USP47: variants seen among roughly 807,000 people sequenced by gnomAD.
The protein encoded by USP47 is ubiquitin carboxyl-terminal hydrolase 47.
USP47 carries 35 observed loss-of-function variants against 165.1 expected under a neutral mutation model. The ratio of observed to expected loss-of-function variants is 0.21; its 90% CI spans 0.16 to 0.28. USP47 has a LOEUF of 0.28. Among genes scored for constraint, USP47 ranks in the 10% least tolerant of loss-of-function variants. The pLI is 1.00. For missense variants in USP47, 1,277 were observed against 1,607.4 expected, an observed-to-expected ratio of 0.79 and a Z score of 3.52; for synonymous variants, 531 against 544.5, an observed-to-expected ratio of 0.98 and a Z score of 0.35.
In USP47 at chr11:11,955,107, C is replaced by G. The variant is rs746812221; in HGVS notation, c.3836C>G (p.Ser1279Cys). 31 of 1,613,802 alleles carry G rather than the reference C, an allele frequency of 1.9e-5. No homozygotes were observed. Among genetic ancestry groups the G allele is most frequent in the Non-Finnish European group, 2.5e-5 (29 of 1,179,924 alleles). ...GATTTAGACTGGAATCCTAAAGTTTCTACCCTGAATGTCTGGCCTCTTTAT... is the reference window on the plus strand; with the variant it reads ...GATTTAGACTGGAATCCTAAAGTTTGTACCCTGAATGTCTGGCCTCTTTAT... ...HQDLDWNPKV[S>C]TLNVWPLYIC... Residue 1279 changes from serine (S) to cysteine (C), a missense_variant, in exon 27 of 28, where the codon TCT (serine) becomes TGT (cysteine). Transcript: ENST00000527733.
chr11:11,947,920 G>C, intron 20 of USP47, 25 bp from the exon 21 acceptor site: 1 of 1,569,084 alleles, frequency 6.4e-7, no homozygotes, highest in Non-Finnish European at 8.6e-7. Flanking sequence ...TTTTGTTCCT[G>C]TTTTGGTTTT....
intron 14 of USP47, among the ~76,000 whole-genome samples, chr11:11,932,187 G>A (rs1428603252): frequency 6.6e-6 from 1 of 152,056 alleles, no homozygotes; most frequent in African/African-American, 2.4e-5. Flanking sequence ...TCCGGGGTTG[G>A]GGGAGGGGTG....
chr11:11,916,117 C>A (rs966574327), intron 8 of USP47, among the ~76,000 whole-genome samples: 4 of 152,108 alleles, frequency 2.6e-5, no homozygotes, highest in Non-Finnish European at 5.9e-5. Flanking sequence ...TGTAAGAATT[C>A]TTTATATTCT....
chr11:11,858,671 G>A (rs4259823), intron 1 of USP47, among the ~76,000 whole-genome samples: 20,853 of 152,042 alleles, frequency 0.14, 1,912 homozygotes, highest in Non-Finnish European at 0.2. Flanking sequence ...CATATAGTAT[G>A]GTAGCATTTT....
chr11:11,853,473 G>C (rs1005470765), intron 1 of USP47, among the ~76,000 whole-genome samples: 1 of 152,204 alleles, frequency 6.6e-6, no homozygotes, highest in African/African-American at 2.4e-5. Context: ...GACAAAAAAT[G>C]ATGTGATCTT....
chr11:11,937,806 C>T (rs950787897), intron 17 of USP47, among the ~76,000 whole-genome samples: 1 of 151,766 alleles, frequency 6.6e-6, no homozygotes, highest in African/African-American at 2.4e-5. Context: ...AAAACAGATA[C>T]AGAATAACTG....
In USP47 at chr11:11,880,351, T is replaced by C. The variant is rs1200781645; in HGVS notation, c.214T>C (p.Trp72Arg). The change falls in exon 2 of 28, where the codon TGG (tryptophan) becomes CGG (arginine). Residue 72 changes from tryptophan (W) to arginine (R), a missense_variant. Trp to Arg is a moderately radical substitution (Grantham distance 101). This residue lies in a region of USP47 where 181 missense variants were observed against 194.7 expected (regional missense o/e 0.93). Coordinates refer to ENST00000527733, the MANE Select transcript of USP47 (RefSeq NM_001282659.2). ...CATAAATGGAACCTTTGACTTGGTGTGGGGAAATGGAATCAATACTGCTGA... is the reference window on the plus strand; with the variant it reads ...CATAAATGGAACCTTTGACTTGGTGCGGGGAAATGGAATCAATACTGCTGA... ...GYINGTFDLV[W>R]GNGINTADMA... 2 of 1,350,814 alleles carry C rather than the reference T, an allele frequency of 1.5e-6. No individual in the cohort carries two copies. The highest frequency in any genetic ancestry group is 1.9e-6 in the Non-Finnish European group (2 of 1,056,424). The allele number at this position is 1,350,814 out of a possible 1,614,324, so 83.7% of individuals were successfully genotyped here.
rs1847288390 is a variant in USP47, at chr11:11,958,091, A to G, written c.*1916A>G. 6.6e-6 allele frequency: 1 copy of G among 152,200 alleles called. No individual in the cohort carries two copies. The highest frequency in any genetic ancestry group is 2.4e-5 in the African/African-American group (1 of 41,440). 9.4% of individuals were successfully genotyped at this position (152,200 alleles called of 1,614,324 possible). On this transcript the variant is annotated 3_prime_UTR_variant, in exon 28 of 28. Transcript: ENST00000527733. ...GCTTACTTGGGATGTAGGGTTAGTA[A>G]ATGGGGTTTCTGCTTTAAAGGACTG... is the stretch of plus-strand genomic sequence containing the variant.
chr11:11,883,620 T>C (rs999308911), intron 2 of USP47, among the ~76,000 whole-genome samples: 2 of 152,210 alleles, frequency 1.3e-5, no homozygotes, highest in Non-Finnish European at 2.9e-5. Flanking sequence ...AAAACATTTC[T>C]TAATGTAACA....
At chr11:11,865,702 T>C (rs570079758) in intron 1 of USP47, among the ~76,000 whole-genome samples, 1 of 152,290 alleles carries the variant, frequency 6.6e-6, no homozygotes, top group South Asian at 2.1e-4. Context: ...TCTCTTTTTT[T>C]CATTTCAATG....
chr11:11,938,864 T>C (rs1420856973), intron 18 of USP47, among the ~76,000 whole-genome samples: 1 of 151,892 alleles, frequency 6.6e-6, no homozygotes, highest in Non-Finnish European at 1.5e-5. Flanking sequence ...AGGCATGGAT[T>C]CCAAGAGAGA....
chr11:11,922,309 C>T (rs1348862559), intron 10 of USP47, among the ~76,000 whole-genome samples: 4 of 151,848 alleles, frequency 2.6e-5, no homozygotes, highest in East Asian at 1.9e-4. Flanking sequence ...ACTGATAAAC[C>T]GAGTTGGACT....
intron 19 of USP47, 113 bp from the exon 20 acceptor site, chr11:11,942,220 TCA>T (rs1855523376): frequency 2.5e-6 from 3 of 1,190,834 alleles, no homozygotes; most frequent in Non-Finnish European, 3.5e-6. Context: ...AACTATATCA[TCA>T]CACATGTTAT....
Position 11,896,880 on chromosome 11 carries a change from C to T in USP47, c.497-717C>T, listed in dbSNP as rs1005171103. Among the ~76,000 whole-genome samples, 4 of 152,110 alleles carry T rather than the reference C, an allele frequency of 2.6e-5. No individual in the cohort carries two copies. The South Asian group carries it at 8.3e-4, about 32-fold the overall frequency. ...AAAATAAAGGTGAAAAAAATAAAAG[C>T]TTGAACCTTAGTACAAAGTGAAAAG... is the stretch of plus-strand genomic sequence containing the variant. On this transcript the variant is annotated intron_variant, in intron 4 of 27. Coordinates refer to ENST00000527733, the MANE Select transcript of USP47 (RefSeq NM_001282659.2).
intron 1 of USP47, among the ~76,000 whole-genome samples, chr11:11,862,684 T>G (rs1354309283): frequency 6.7e-6 from 1 of 149,738 alleles, no homozygotes; most frequent in Non-Finnish European, 1.5e-5. Context: ...GACTTTTCTC[T>G]TCTTTTAATT....
chr11:11,891,853 CTTT>C (rs1851535593), intron 3 of USP47, 112 bp from the exon 4 acceptor site: 2 of 1,319,764 alleles, frequency 1.5e-6, no homozygotes, highest in Non-Finnish European at 2.0e-6. Flanking sequence ...GCATGAGCAC[CTTT>C]CCAGAGTGTT....
chr11:11,910,980 A>G (rs1423164103), intron 8 of USP47, among the ~76,000 whole-genome samples: 1 of 152,234 alleles, frequency 6.6e-6, no homozygotes, highest in South Asian at 2.1e-4. Context: ...GAAACACTTC[A>G]GTGAGCAGTC....
chr11:11,961,373 G>C lies in USP47; in HGVS notation c.*5198G>C, dbSNP rs879576323. ...AGGTGGGCGCAATTTGATCACATGGGTCCCCAGAAGTGGAGAACCTTTCCC... is the reference window on the plus strand; with the variant it reads ...AGGTGGGCGCAATTTGATCACATGGCTCCCCAGAAGTGGAGAACCTTTCCC... On this transcript the variant is annotated 3_prime_UTR_variant, in exon 28 of 28. Transcript: ENST00000527733. Among the ~76,000 whole-genome samples the C allele has an allele frequency of 6.6e-6, 1 of 152,106 alleles. No homozygotes were observed. Among genetic ancestry groups the C allele is most frequent in the African/African-American group, 2.4e-5 (1 of 41,416 alleles).
At chr11:11,930,798 A>C (rs1311727483) in intron 14 of USP47, 47 bp downstream of exon 14, 5 of 1,509,294 alleles carry the variant, frequency 3.3e-6, no homozygotes, top group Non-Finnish European at 4.5e-6. Context: ...TTATAAACTA[A>C]TTTCTTTTGT....
Sources: allele counts gnomAD v4.1 joint callset (sites outside exome capture counted in the v4.1 genomes callset), GRCh38; gene constraint gnomAD v4.1.1; regional missense constraint gnomAD v4.1.1; transcripts MANE v1.5; gene names NCBI Gene and HGNC (gene_info 2026-07-23, HGNC 2026-07-21).